Variants in ZNF280D observed in about 807,000 individuals in gnomAD.
ZNF280D encodes the protein suppressor of hairy wing homolog 4.
In ZNF280D, 39 loss-of-function variants were observed where a neutral mutation model predicts 94.7. That is an observed-to-expected ratio of 0.41 (90% CI 0.32 to 0.54). ZNF280D has a LOEUF of 0.54. Ranked by LOEUF, ZNF280D falls within the 20% of genes least tolerant of loss-of-function variation. The pLI, the probability that ZNF280D is intolerant of heterozygous loss-of-function variation, is 0.22. For synonymous variants in ZNF280D, 398 were observed against 377.6 expected, an observed-to-expected ratio of 1.05 and a Z score of -0.63; for missense variants, 1,090 against 1,149.3, an observed-to-expected ratio of 0.95 and a Z score of 0.75.
intron 6 of ZNF280D, among the ~76,000 whole-genome samples, chr15:56,694,291 A>C (rs1018249834): frequency 2.0e-5 from 2 of 99,252 alleles, no homozygotes; most frequent in Non-Finnish European, 3.9e-5. Context: ...ATATAATGAC[A>C]CATACACACA....
At chr15:56,718,494 G>A (rs1323228224) in intron 1 of ZNF280D, among the ~76,000 whole-genome samples, 1 of 152,242 alleles carries the variant, frequency 6.6e-6, no homozygotes, top group East Asian at 1.9e-4. Flanking sequence ...TTTTGTAAAT[G>A]CAAAATTCTT....
intron 13 of ZNF280D, among the ~76,000 whole-genome samples, chr15:56,670,352 C>T (rs184457425): frequency 1.3e-5 from 2 of 151,744 alleles, no homozygotes; most frequent in African/African-American, 4.8e-5. Context: ...CTCCCACCCT[C>T]TGCCCTCTGG....
Position 56,647,226 on chromosome 15 carries a change from C to CA in ZNF280D, c.2214-4230dup, listed in dbSNP as rs572339434. On this transcript the variant is annotated intron_variant, in intron 19 of 21. Coordinates refer to ENST00000267807, the MANE Select transcript of ZNF280D (RefSeq NM_017661.4). ...TTCTCAATTAAAACAGTAACAGTGTCAATGGAGAAAAGGTTGGTTTAGGGA... is the reference window on the plus strand; with the variant it reads ...TTCTCAATTAAAACAGTAACAGTGTCAAATGGAGAAAAGGTTGGTTTAGGGA... Among the ~76,000 whole-genome samples the CA allele has an allele frequency of 3.2e-4, 48 of 152,160 alleles. No individual in the cohort carries two copies. The South Asian group carries it at 8.1e-3, about 26-fold the overall frequency.
At chr15:56,730,793 A>G (rs546617384) in intron 1 of ZNF280D, among the ~76,000 whole-genome samples, 4 of 152,318 alleles carry the variant, frequency 2.6e-5, no homozygotes, top group African/African-American at 9.6e-5. Context: ...TTCCAAAGCC[A>G]TACCTAAACG....
chr15:56,700,528 C>G (rs1477588698), intron 6 of ZNF280D: 3 of 1,024,522 alleles, frequency 2.9e-6, no homozygotes, highest in Non-Finnish European at 3.5e-6. Flanking sequence ...TTTTTTTTAA[C>G]TAACTGAACT....
Position 56,689,292 on chromosome 15 carries a change from A to G in ZNF280D, c.670+8T>C. 6.3e-7 allele frequency: 1 copy of G among 1,591,612 alleles called. No individual in the cohort carries two copies. Among genetic ancestry groups the G allele is most frequent in the Non-Finnish European group, 8.5e-7 (1 of 1,173,256 alleles). Reference sequence around the variant, plus strand: ...AACTTCTTTTTATGTACCACATTTCATATTTACCTTTTGCTAGCATAGCCT... The same window carrying G: ...AACTTCTTTTTATGTACCACATTTCGTATTTACCTTTTGCTAGCATAGCCT... On this transcript the variant is annotated splice_region_variant and intron_variant, in intron 8 of 21. Transcript: ENST00000267807.
intron 1 of ZNF280D, among the ~76,000 whole-genome samples, chr15:56,709,916 GT>G (rs2057661392): frequency 6.6e-6 from 1 of 152,116 alleles, no homozygotes; most frequent in Non-Finnish European, 1.5e-5. Context: ...TAAATGATGA[GT>G]TAATGGGTGC....
chr15:56,702,307 T>A (rs995093123), intron 4 of ZNF280D, among the ~76,000 whole-genome samples: 1 of 152,192 alleles, frequency 6.6e-6, no homozygotes, highest in African/African-American at 2.4e-5. Flanking sequence ...TACTATTTAG[T>A]GGGTGTAGTC....
At chr15:56,693,661 A>AG (rs1427476549) in intron 6 of ZNF280D, among the ~76,000 whole-genome samples, 1 of 152,050 alleles carries the variant, frequency 6.6e-6, no homozygotes, top group Non-Finnish European at 1.5e-5. Context: ...AAAAGCAAGG[A>AG]GAAAAAAAAA....
At chr15:56,650,140 C>T (rs576529553) in intron 19 of ZNF280D, among the ~76,000 whole-genome samples, 9 of 152,148 alleles carry the variant, frequency 5.9e-5, no homozygotes, top group African/African-American at 1.9e-4. Context: ...GTGCTATAAA[C>T]CATGTTTTAT....
At chr15:56,668,328 G>C (rs2054436109) in intron 14 of ZNF280D, 1 of 350,214 alleles carries the variant, frequency 2.9e-6, no homozygotes, top group Non-Finnish European at 5.5e-6. Context: ...AGTCAGACAT[G>C]TGTTTGCTCA....
chr15:56,630,522 A>G lies in ZNF280D; in HGVS notation c.*976T>C, dbSNP rs1279935115. 6.6e-6 allele frequency: 1 copy of G among 152,104 alleles called. No individual in the cohort carries two copies. The highest frequency in any genetic ancestry group is 1.5e-5 in the Non-Finnish European group (1 of 67,986). 9.4% of individuals were successfully genotyped at this position (152,104 alleles called of 1,614,324 possible). A position where few individuals can be genotyped will look rare whatever the true frequency, so the allele number is the denominator to read the frequency against. ...GTCCCATTTGAAGTTTTTATTTTAC[A>G]ATTACAGAAAAGTCACTTAAACATG... On this transcript the variant is annotated 3_prime_UTR_variant, in exon 22 of 22. Coordinates refer to ENST00000267807, the MANE Select transcript of ZNF280D (RefSeq NM_017661.4).
intron 6 of ZNF280D, among the ~76,000 whole-genome samples, chr15:56,697,026 C>G (rs1197474366): frequency 1.3e-5 from 2 of 152,102 alleles, no homozygotes; most frequent in African/African-American, 2.4e-5. Context: ...TTTTACCTAA[C>G]GAACTATTAA....
At chr15:56,664,420 G>A (rs1403432772) in intron 16 of ZNF280D, among the ~76,000 whole-genome samples, 2 of 151,950 alleles carry the variant, frequency 1.3e-5, no homozygotes, top group African/African-American at 4.8e-5. Flanking sequence ...AAGAGATGAA[G>A]ATCCAAGTTA....
At chr15:56,701,364 TA>T in intron 4 of ZNF280D, 126 bp from the exon 5 acceptor site, 1 of 623,870 alleles carries the variant, frequency 1.6e-6, no homozygotes, top group Non-Finnish European at 2.6e-6. Context: ...ATCACTGATT[TA>T]AGAATATAGT....
intron 1 of ZNF280D, among the ~76,000 whole-genome samples, chr15:56,726,981 C>T (rs1486026240): frequency 6.6e-6 from 1 of 152,114 alleles, no homozygotes; most frequent in East Asian, 1.9e-4. Flanking sequence ...GACGTAGAGG[C>T]TTTTATACTA....
chr15:56,671,282 T>A (rs1343264937), intron 13 of ZNF280D, among the ~76,000 whole-genome samples: 1 of 152,254 alleles, frequency 6.6e-6, no homozygotes, highest in South Asian at 2.1e-4. Flanking sequence ...TTGCCTAGGT[T>A]TCTTCTAGGG....
chr15:56,669,873 TTA>T lies in ZNF280D; in HGVS notation c.1411-918_1411-917del, dbSNP rs71113014. Among the ~76,000 whole-genome samples the T allele has an allele frequency of 7.4e-3, 63 of 8,484 alleles. 15 individuals carry two copies. The highest frequency in any genetic ancestry group is 0.02 in the African/African-American group (48 of 2,416). 5.6% of individuals were successfully genotyped at this position (8,484 alleles called of 152,430 possible). ...TCATTATTTTATATATATATATATT[TTA>T]TATATATATATATTATATATATATA... On this transcript the variant is annotated intron_variant, in intron 13 of 21. Transcript: ENST00000267807.
intron 1 of ZNF280D, among the ~76,000 whole-genome samples, chr15:56,717,722 T>C (rs2058120347): frequency 2.6e-5 from 4 of 152,170 alleles, no homozygotes; most frequent in Non-Finnish European, 4.4e-5. Context: ...GAAATTTAGT[T>C]ATACAGGGTA....
Sources: gnomAD v4.1 joint callset for allele counts (sites outside exome capture counted in the v4.1 genomes callset) on GRCh38, gnomAD v4.1.1 for gene constraint, MANE v1.5 for transcripts, NCBI Gene and HGNC (gene_info 2026-07-23, HGNC 2026-07-21) for gene names.